The following EDIL3 variants were observed in gnomAD, a reference collection of about 807,000 sequenced individuals.
EDIL3 encodes the protein EGF like and discoidin domains 3.
EDIL3 carries 37 observed loss-of-function variants against 67.4 expected under a neutral mutation model. The observed-to-expected ratio is 0.55, with a 90% confidence interval of 0.42 to 0.72. The LOEUF (loss-of-function observed/expected upper bound fraction) is 0.72. Ranked by LOEUF, EDIL3 falls within the 30% of genes least tolerant of loss-of-function variation. The probability of loss-of-function intolerance (pLI) is 0.00; values close to 1 mark genes in which losing one functional copy is unlikely to be tolerated. For synonymous variants in EDIL3, 195 were observed against 196.3 expected (o/e 0.99, Z 0.05); for missense variants, 527 against 586.3 (o/e 0.90, Z 1.04).
At chr5:84,096,992 C>A (rs935690815) in intron 6 of EDIL3, among the ~76,000 whole-genome samples, 5 of 152,164 alleles carry the variant, frequency 3.3e-5, no homozygotes, top group African/African-American at 1.2e-4. Context: ...TCCTCCTTGC[C>A]TTCCACCATT....
Position 84,138,969 on chromosome 5 carries a change from G to T in EDIL3, c.356-1615C>A, listed in dbSNP as rs915820109. On this transcript the variant is annotated intron_variant, in intron 4 of 10. Transcript: ENST00000296591. ...AGTATGATAGACTCAGCCGGGCGTGGTGGCTCACACCTGTCATCCCAGCAC... is the reference window on the plus strand; with the variant it reads ...AGTATGATAGACTCAGCCGGGCGTGTTGGCTCACACCTGTCATCCCAGCAC... Among the ~76,000 whole-genome samples, 25 of 152,240 alleles carry T rather than the reference G, an allele frequency of 1.6e-4. 3 individuals are homozygous for T. Among genetic ancestry groups the T allele is most frequent in the Admixed American group, 1.5e-3 (23 of 15,272 alleles).
chr5:84,118,491 CAT>C (rs1210933806), intron 5 of EDIL3, among the ~76,000 whole-genome samples: 1 of 152,132 alleles, frequency 6.6e-6, no homozygotes. Context: ...TTATAATATA[CAT>C]AAAGCACCTC....
At chr5:84,249,112 C>T (rs1744969657) in intron 2 of EDIL3, among the ~76,000 whole-genome samples, 1 of 152,128 alleles carries the variant, frequency 6.6e-6, no homozygotes, top group African/African-American at 2.4e-5. Flanking sequence ...GTTTTAGCCA[C>T]ATTTAACTTC....
At chr5:84,227,387 A>G (rs1343140915) in intron 3 of EDIL3, among the ~76,000 whole-genome samples, 4 of 152,106 alleles carry the variant, frequency 2.6e-5, no homozygotes, top group Non-Finnish European at 5.9e-5. Context: ...ATGAGATACC[A>G]TCTCACACCA....
intron 1 of EDIL3, among the ~76,000 whole-genome samples, chr5:84,313,371 A>G (rs1259655490): frequency 2.0e-5 from 3 of 152,214 alleles, no homozygotes; most frequent in Admixed American, 6.5e-5. Context: ...CAAAAGCTTG[A>G]TACAGCAAGA....
intron 1 of EDIL3, among the ~76,000 whole-genome samples, chr5:84,381,552 T>C (rs902639745): frequency 3.3e-4 from 50 of 152,280 alleles, no homozygotes; most frequent in African/African-American, 1.0e-3. Context: ...AGTGAGACTG[T>C]TCAGGTATTA....
chr5:84,005,452 C>G (rs1358915304), intron 9 of EDIL3, among the ~76,000 whole-genome samples: 1 of 152,118 alleles, frequency 6.6e-6, no homozygotes, highest in East Asian at 1.9e-4. Flanking sequence ...TTGACTCTAG[C>G]AGCACATTTA....
At chr5:84,247,469 T>C (rs1448470340) in intron 2 of EDIL3, among the ~76,000 whole-genome samples, 1 of 152,152 alleles carries the variant, frequency 6.6e-6, no homozygotes, top group African/African-American at 2.4e-5. Flanking sequence ...AACATGAATA[T>C]GGCTATTCAT....
intron 6 of EDIL3, among the ~76,000 whole-genome samples, chr5:84,105,971 C>T (rs759598240): frequency 1.1e-4 from 17 of 152,056 alleles, no homozygotes; most frequent in Non-Finnish European, 2.1e-4. Flanking sequence ...TGTGCTTTCC[C>T]CAACAGAGGT....
chr5:84,363,773 T>A (rs973647186), intron 1 of EDIL3, among the ~76,000 whole-genome samples: 24 of 152,136 alleles, frequency 1.6e-4, no homozygotes, highest in African/African-American at 5.6e-4. Context: ...TATAAATTTG[T>A]ATGGATAAAA....
At chr5:84,378,349 C>T (rs1420108644) in intron 1 of EDIL3, among the ~76,000 whole-genome samples, 1 of 152,170 alleles carries the variant, frequency 6.6e-6, no homozygotes, top group Non-Finnish European at 1.5e-5. Flanking sequence ...ATTGCATTCT[C>T]TTATATGGTG....
intron 9 of EDIL3, among the ~76,000 whole-genome samples, chr5:84,008,267 A>G (rs1255392563): frequency 6.6e-6 from 1 of 152,196 alleles, no homozygotes; most frequent in Non-Finnish European, 1.5e-5. Context: ...TTGTACATTT[A>G]AAAATAACTA....
intron 1 of EDIL3, among the ~76,000 whole-genome samples, chr5:84,337,785 T>C (rs2112173332): frequency 6.6e-6 from 1 of 152,258 alleles, no homozygotes; most frequent in South Asian, 2.1e-4. Context: ...GTGTGAATAT[T>C]TCATTTTTAC....
chr5:84,001,263 G>A (rs1745325996), intron 9 of EDIL3, among the ~76,000 whole-genome samples: 1 of 151,988 alleles, frequency 6.6e-6, no homozygotes, highest in African/African-American at 2.4e-5. Flanking sequence ...AGGCCCAGCT[G>A]GTCTCAAACT....
intron 5 of EDIL3, among the ~76,000 whole-genome samples, chr5:84,113,598 G>A (rs1271479169): frequency 6.6e-6 from 1 of 152,180 alleles, no homozygotes; most frequent in Non-Finnish European, 1.5e-5. Flanking sequence ...ATTCTCTGGA[G>A]TATGGCAAAG....
At chr5:84,368,833 T>C (rs1747790021) in intron 1 of EDIL3, among the ~76,000 whole-genome samples, 1 of 151,936 alleles carries the variant, frequency 6.6e-6, no homozygotes, top group Non-Finnish European at 1.5e-5. Flanking sequence ...TGTTTTCCCA[T>C]AGAAGATATA....
At chr5:84,238,750 T>C (rs2121103) in intron 2 of EDIL3, among the ~76,000 whole-genome samples, 13,340 of 145,394 alleles carry the variant, frequency 0.092, 670 homozygotes, top group Middle Eastern at 0.15. Flanking sequence ...TCATATAACA[T>C]TGACAATGTA....
At chr5:84,135,090 C>A (rs982260561) in intron 5 of EDIL3, among the ~76,000 whole-genome samples, 1 of 152,114 alleles carries the variant, frequency 6.6e-6, no homozygotes, top group African/African-American at 2.4e-5. Context: ...CCTATCCACT[C>A]GACCTGTTTC....
At chr5:84,242,269 T>C (rs1398625647) in intron 2 of EDIL3, among the ~76,000 whole-genome samples, 4 of 151,862 alleles carry the variant, frequency 2.6e-5, no homozygotes, top group East Asian at 3.9e-4. Context: ...CCTTTGAAGT[T>C]GGTACTGTTA....
Sources: allele counts gnomAD v4.1 joint callset (sites outside exome capture counted in the v4.1 genomes callset), GRCh38; gene constraint gnomAD v4.1.1; transcripts MANE v1.5; gene names NCBI Gene and HGNC (gene_info 2026-07-23, HGNC 2026-07-21).